GNAQ: variants seen among roughly 807,000 people sequenced by gnomAD.
The protein encoded by GNAQ is G protein subunit alpha q.
In GNAQ, 8 loss-of-function variants were observed where a neutral mutation model predicts 43.9. The ratio of observed to expected loss-of-function variants is 0.18; its 90% CI spans 0.11 to 0.33. The LOEUF (loss-of-function observed/expected upper bound fraction) is 0.33. Ranked by LOEUF, GNAQ falls within the 10% of genes least tolerant of loss-of-function variation. GNAQ has a pLI of 1.00. For missense variants in GNAQ, 158 were observed against 450.8 expected, an observed-to-expected ratio of 0.35 and a Z score of 5.88; for synonymous variants, 155 against 170.7, an observed-to-expected ratio of 0.91 and a Z score of 0.71.
chr9:77,927,571 T>G (rs1490857840), intron 1 of GNAQ, among the ~76,000 whole-genome samples: 2 of 150,814 alleles, frequency 1.3e-5, no homozygotes, highest in Non-Finnish European at 2.9e-5. Flanking sequence ...TCATCTTTAC[T>G]CTGAAGAAAA....
intron 5 of GNAQ, among the ~76,000 whole-genome samples, chr9:77,782,256 A>G (rs1826406155): frequency 6.6e-6 from 1 of 152,222 alleles, no homozygotes; most frequent in South Asian, 2.1e-4. Context: ...CAAAACATAC[A>G]AAGAACTTTT....
At chr9:77,927,913 C>A (rs1419595895) in intron 1 of GNAQ, among the ~76,000 whole-genome samples, 1 of 152,088 alleles carries the variant, frequency 6.6e-6, no homozygotes, top group African/African-American at 2.4e-5. Flanking sequence ...ACTCATGGAG[C>A]TGAATTATAG....
rs1405750282 is a variant in GNAQ at position 77,801,544 on chromosome 9, C to A, written c.477-3896G>T. Reference sequence around the variant, plus strand: ...AATTTCTGGTTAACTTAAAAGGAAGCTGCAGTTTTTGCTTGCCATTCTTTT... The same window carrying A: ...AATTTCTGGTTAACTTAAAAGGAAGATGCAGTTTTTGCTTGCCATTCTTTT... On this transcript the variant is annotated intron_variant, in intron 3 of 6. Transcript: ENST00000286548. 3.3e-5 allele frequency among the ~76,000 whole-genome samples: 5 copies of A among 152,292 alleles called. No homozygotes were observed. The East Asian group carries it at 9.7e-4, about 29-fold the overall frequency.
At chr9:77,790,576 C>T (rs1826551770) in intron 5 of GNAQ, among the ~76,000 whole-genome samples, 1 of 152,228 alleles carries the variant, frequency 6.6e-6, no homozygotes, top group African/African-American at 2.4e-5. Context: ...TGGTCTACTA[C>T]TACCAATTGG....
intron 3 of GNAQ, among the ~76,000 whole-genome samples, chr9:77,800,425 G>A (rs1234970586): frequency 6.6e-6 from 1 of 151,952 alleles, no homozygotes; most frequent in African/African-American, 2.4e-5. Context: ...CCTTTGTAGG[G>A]ACATGGATGA....
At chr9:78,028,777 A>G (rs138161426) in intron 1 of GNAQ, among the ~76,000 whole-genome samples, 30 of 152,148 alleles carry the variant, frequency 2.0e-4, no homozygotes, top group African/African-American at 6.8e-4. Flanking sequence ...TCCCTCCCTA[A>G]TATCTTCCTT....
intron 1 of GNAQ, among the ~76,000 whole-genome samples, chr9:77,973,265 T>C (rs1222723686): frequency 6.6e-6 from 1 of 152,140 alleles, no homozygotes; most frequent in Non-Finnish European, 1.5e-5. Flanking sequence ...CAGACACAAG[T>C]AGGCTGAGCT....
At chr9:77,873,370 A>G (rs1000655908) in intron 2 of GNAQ, among the ~76,000 whole-genome samples, 1 of 152,206 alleles carries the variant, frequency 6.6e-6, no homozygotes, top group African/African-American at 2.4e-5. Context: ...ATTCTCTAAT[A>G]AGGCTAATAG....
At chr9:77,935,016 T>G (rs1829210500) in intron 1 of GNAQ, among the ~76,000 whole-genome samples, 1 of 152,062 alleles carries the variant, frequency 6.6e-6, no homozygotes, top group South Asian at 2.1e-4. Flanking sequence ...TCCTAGCTAC[T>G]CTGGAGGCTG....
intron 2 of GNAQ, among the ~76,000 whole-genome samples, chr9:77,881,405 G>T (rs2118067345): frequency 6.6e-6 from 1 of 152,262 alleles, no homozygotes; most frequent in Non-Finnish European, 1.5e-5. Flanking sequence ...AAGAGACAGG[G>T]TCTTGCTCTG....
intron 5 of GNAQ, among the ~76,000 whole-genome samples, chr9:77,761,905 T>G (rs1587904152): frequency 1.1e-5 from 1 of 89,736 alleles, no homozygotes; most frequent in Non-Finnish European, 2.2e-5. Flanking sequence ...AGGTGGGGGG[T>G]CAGCCCCCCG....
intron 1 of GNAQ, among the ~76,000 whole-genome samples, chr9:77,967,299 G>C (rs1024091700): frequency 6.6e-6 from 1 of 152,098 alleles, no homozygotes; most frequent in African/African-American, 2.4e-5. Context: ...GCCACTCCGT[G>C]CTTTTAACAT....
chr9:77,859,395 A>C (rs115035813), intron 2 of GNAQ, among the ~76,000 whole-genome samples: 2,258 of 152,334 alleles, frequency 0.015, 65 homozygotes, highest in African/African-American at 0.05. Flanking sequence ...TAAATTTAAT[A>C]ATTTCATTAA....
At chr9:77,750,652 T>C (rs1273901637) in intron 5 of GNAQ, among the ~76,000 whole-genome samples, 1 of 112,010 alleles carries the variant, frequency 8.9e-6, no homozygotes, top group Non-Finnish European at 2.1e-5. Flanking sequence ...GTCTTCCCAG[T>C]CATCAAGCTG....
chr9:77,858,523 T>C (rs1250396302), intron 2 of GNAQ, among the ~76,000 whole-genome samples: 2 of 152,154 alleles, frequency 1.3e-5, no homozygotes, highest in African/African-American at 4.8e-5. Flanking sequence ...CTGCTCTCAG[T>C]GGACATGGAA....
intron 1 of GNAQ, among the ~76,000 whole-genome samples, chr9:77,978,739 A>G (rs1330767336): frequency 6.6e-6 from 1 of 152,210 alleles, no homozygotes; most frequent in Admixed American, 6.5e-5. Context: ...CAAAACTATT[A>G]TCACACTTTA....
At chr9:77,881,602 T>C (rs189777469) in intron 2 of GNAQ, among the ~76,000 whole-genome samples, 2 of 152,284 alleles carry the variant, frequency 1.3e-5, no homozygotes, top group South Asian at 2.1e-4. Flanking sequence ...CAGGCTGGCC[T>C]TGAACTCCTG....
At chr9:77,771,687 C>A (rs73651602) in intron 5 of GNAQ, among the ~76,000 whole-genome samples, 11 of 152,260 alleles carry the variant, frequency 7.2e-5, no homozygotes, top group African/African-American at 2.6e-4. Context: ...AAGATGGCCA[C>A]AGACAGAAGA....
At chr9:77,804,206 C>T (rs1362441877) in intron 3 of GNAQ, among the ~76,000 whole-genome samples, 1 of 151,940 alleles carries the variant, frequency 6.6e-6, no homozygotes, top group Non-Finnish European at 1.5e-5. Flanking sequence ...AAAGAACCAC[C>T]CCTCCCCCCA....
Sources: allele counts gnomAD v4.1 joint callset (sites outside exome capture counted in the v4.1 genomes callset), GRCh38; gene constraint gnomAD v4.1.1; transcripts MANE v1.5; gene names NCBI Gene and HGNC (gene_info 2026-07-23, HGNC 2026-07-21).